Variants in BBS10 observed in about 807,000 individuals in gnomAD.
BBS10 encodes the protein Bardet-Biedl syndrome 10.
A neutral mutation model predicts 12.7 loss-of-function variants in BBS10; 13 were observed. The observed-to-expected ratio is 1.03, with a 90% CI of 0.67 to 1.63. BBS10 has a LOEUF of 1.63. Among genes scored for constraint, BBS10 ranks in the 40% most tolerant of loss-of-function variants. The pLI is 0.00. For missense variants in BBS10, 858 were observed against 858.0 expected (o/e 1.00, Z 0.00); for synonymous variants, 294 against 304.8 (o/e 0.96, Z 0.37).
At position 76,346,511 on chromosome 12, in the gene BBS10, T is replaced by C; in HGVS notation, c.1474A>G (p.Asn492Asp). 2 of 1,614,090 alleles carry C rather than the reference T, an allele frequency of 1.2e-6. No homozygotes were observed. Among genetic ancestry groups the C allele is most frequent in the Non-Finnish European group, 1.7e-6 (2 of 1,179,944 alleles). ...AATTCTACATCTGGAATTACCAAAT[T>C]AGAATGTACTTTTAAATATGTTTGA... is the stretch of plus-strand genomic sequence containing the variant. ...KTQTYLKVHS[N>D]LVIPDVELET... The change falls in exon 2 of 2, where the codon AAT becomes GAT. Residue 492 changes from asparagine (N) to aspartate (D), a missense_variant. Coordinates refer to ENST00000650064, the MANE Select transcript of BBS10 (RefSeq NM_024685.4).
rs773540960 is a variant in BBS10 at position 76,346,015 on chromosome 12, G to T, written c.1970C>A (p.Thr657Lys). The change falls in exon 2 of 2, where the codon ACA becomes AAA. Residue 657 changes from threonine (T) to lysine (K), a missense_variant. Transcript: ENST00000650064. ...SKTGKYSFPH[T>K]YIRAVHALQT... ...CAGTGCATGGACAGCTCTTATATAT[G>T]TATGTGGAAAGCTGTACTTTCCTGT... The T allele has an allele frequency of 1.2e-6, 2 of 1,613,974 alleles. No individual in the cohort carries two copies. The highest frequency in any genetic ancestry group is 1.7e-5 in the Admixed American group (1 of 60,020).
chr12:76,347,216 T>A lies in BBS10; in HGVS notation c.769A>T (p.Met257Leu), dbSNP rs776605691. The A allele has an allele frequency of 1.2e-6, 2 of 1,612,014 alleles. No individual in the cohort carries two copies. Among genetic ancestry groups the A allele is most frequent in the African/African-American group, 1.3e-5 (1 of 74,950 alleles). Residue 257 changes from methionine (M) to leucine (L), a missense_variant, in exon 2 of 2, where the codon ATG becomes TTG. Met to Leu is a conservative substitution (Grantham distance 15, BLOSUM62 2). Transcript: ENST00000650064. The stretch of plus-strand genomic sequence containing the variant: ...TGAATGGTTTCTGTTACTATCACCA[T>A]TCGCATGTCACCATCTGCTGGGCGG... ...VYRPADGDMRMVIVTETIQPL... is the reference protein window; with the variant it reads ...VYRPADGDMRLVIVTETIQPL...
At position 76,345,491 on chromosome 12, in the gene BBS10, A is replaced by G; in HGVS notation, c.*322T>C. ...ACGATGAAGGAGGGCTGGAGTGAAA[A>G]AGATACAGGAGAGTAAAAAGGAGCT... On this transcript the variant is annotated 3_prime_UTR_variant, in exon 2 of 2. Transcript: ENST00000650064. 1 of 260,272 alleles carries G rather than the reference A, an allele frequency of 3.8e-6. No individual in the cohort carries two copies. Among genetic ancestry groups the G allele is most frequent in the East Asian group, 8.3e-5 (1 of 12,042 alleles). The allele number at this position is 260,272 out of a possible 1,614,324, so 16.1% of individuals were successfully genotyped here.
Position 76,346,435 on chromosome 12 carries a change from A to G in BBS10, c.1550T>C (p.Phe517Ser). The G allele has an allele frequency of 6.2e-7, 1 of 1,614,110 alleles. No homozygotes were observed. The highest frequency in any genetic ancestry group is 8.5e-7 in the Non-Finnish European group (1 of 1,179,986). ...ACATGTCAGCGTTTCAACTGTTTGG[A>G]ATGTATCTGTTGGTGTCAGTGTGGG... The part of the protein sequence containing the change: ...STPTLTPTDT[F>S]QTVETLTCLS... The change falls in exon 2 of 2, where the codon TTC (phenylalanine) becomes TCC (serine). Residue 517 changes from phenylalanine (F) to serine (S), a missense_variant. Transcript: ENST00000650064.
rs760904517 is a variant in BBS10, at chr12:76,346,753, T to C, written c.1232A>G (p.Glu411Gly). 8 of 1,614,142 alleles carry C rather than the reference T, an allele frequency of 5.0e-6. No homozygotes were observed. The highest frequency in any genetic ancestry group is 1.1e-5 in the South Asian group (1 of 91,076). Residue 411 changes from glutamate (E) to glycine (G), a missense_variant, in exon 2 of 2, where the codon GAG becomes GGG. By Grantham distance (98) the Glu-to-Gly change is moderately conservative (BLOSUM62 -2). Coordinates refer to ENST00000650064, the MANE Select transcript of BBS10 (RefSeq NM_024685.4). ...TTTAAGTGCTCCATGTAAAGCATCC[T>C]CATGTTGTTCAATGAGACCATGCAC... ...GPVHGLIEQH[E>G]DALHGALKML...
At position 76,346,443 on chromosome 12, in the gene BBS10, T is replaced by G. The variant is rs1951758689; in HGVS notation, c.1542A>C (p.Thr514=). The part of the protein sequence containing the change: ...IPYSTPTLTP[T]DTFQTVETLT... ...GCGTTTCAACTGTTTGGAATGTATC[T>G]GTTGGTGTCAGTGTGGGGGTTGAAT... Residue 514 remains threonine (T), a synonymous_variant, in exon 2 of 2, where the codon ACA becomes ACC. Transcript: ENST00000650064. 1.2e-6 allele frequency: 2 copies of G among 1,614,086 alleles called. No individual in the cohort carries two copies.
rs767215329 is a variant in BBS10, at chr12:76,346,266, C to G, written c.1719G>C (p.Met573Ile). Residue 573 changes from methionine (M) to isoleucine (I), a missense_variant, in exon 2 of 2, where the codon ATG becomes ATC. Coordinates refer to ENST00000650064, the MANE Select transcript of BBS10 (RefSeq NM_024685.4). ...QVTNITRKGS[M>I]LPVSCKLPNM... ...TCGGTAACTTACAGCTCACTGGTAA[C>G]ATGCTTCCCTTTCTAGTAATATTTG... 1.2e-6 allele frequency: 2 copies of G among 1,612,820 alleles called. No individual in the cohort carries two copies. Among genetic ancestry groups the G allele is most frequent in the Non-Finnish European group, 1.7e-6 (2 of 1,179,360 alleles).
Position 76,348,272 on chromosome 12 carries a change from C to T in BBS10, c.87G>A (p.Val29=). The change falls in exon 1 of 2, where the codon GTG becomes GTA. Residue 29 remains valine, a synonymous_variant. Transcript: ENST00000650064. ...EVLEAIVSCC[V]GPEGRQVLCT... Reference sequence around the variant, plus strand: ...ACAAAACTTGCCGTCCCTCGGGCCCCACGCAGCAGCTCACGATGGCTTCCA... The same window carrying T: ...ACAAAACTTGCCGTCCCTCGGGCCCTACGCAGCAGCTCACGATGGCTTCCA... 6.2e-7 allele frequency: 1 copy of T among 1,613,142 alleles called. No individual in the cohort carries two copies. The highest frequency in any genetic ancestry group is 8.5e-7 in the Non-Finnish European group (1 of 1,179,594).
At position 76,346,894 on chromosome 12, in the gene BBS10, T is replaced by G; in HGVS notation, c.1091A>C (p.Asn364Thr). ...PQAFSQCEIPNTALVKFCKPL... is the reference protein window; with the variant it reads ...PQAFSQCEIPTTALVKFCKPL... The stretch of plus-strand genomic sequence containing the variant: ...TTTACAAAATTTCACCAAAGCAGTG[T>G]TAGGTATTTCACACTGCGAAAAGGC... Residue 364 changes from asparagine to threonine, a missense_variant, in exon 2 of 2, where the codon AAC (asparagine) becomes ACC (threonine). Coordinates refer to ENST00000650064, the MANE Select transcript of BBS10 (RefSeq NM_024685.4). The G allele has an allele frequency of 2.5e-6, 4 of 1,613,228 alleles. No homozygotes were observed. Among genetic ancestry groups the G allele is most frequent in the Non-Finnish European group, 3.4e-6 (4 of 1,179,986 alleles).
Position 76,346,218 on chromosome 12 carries a change from G to A in BBS10, c.1767C>T (p.Tyr589=). ...KLPNMGTSQS[Y]LSSSMPAGCV... is the part of the protein sequence containing the mutation. ...AACCAGCTGGCATAGATGAGGAAAG[G>A]TAACTCTGGGAAGTACCCATATTCG... The change falls in exon 2 of 2, where the codon TAC becomes TAT. Residue 589 remains tyrosine (Y), a synonymous_variant. Transcript: ENST00000650064. 2 of 1,611,704 alleles carry A rather than the reference G, an allele frequency of 1.2e-6. No homozygotes were observed. The highest frequency in any genetic ancestry group is 1.7e-6 in the Non-Finnish European group (2 of 1,179,124).
In BBS10 at chr12:76,346,555, T is replaced by G; in HGVS notation, c.1430A>C (p.Lys477Thr). 6.2e-7 allele frequency: 1 copy of G among 1,614,168 alleles called. No individual in the cohort carries two copies. The highest frequency in any genetic ancestry group is 8.5e-7 in the Non-Finnish European group (1 of 1,180,002). ...RPYQDTVAENKDALEKTQTYL... is the reference protein window; with the variant it reads ...RPYQDTVAENTDALEKTQTYL... ...TGTTTGAGTTTTTTCCAATGCATCT[T>G]TGTTCTCTGCAACTGTGTCCTGATA... The change falls in exon 2 of 2, where the codon AAA (lysine) becomes ACA (threonine). Residue 477 changes from lysine to threonine, a missense_variant. Physicochemically the swap from Lys to Thr is moderately conservative, Grantham distance 78. Coordinates refer to ENST00000650064, the MANE Select transcript of BBS10 (RefSeq NM_024685.4).
At position 76,346,537 on chromosome 12, in the gene BBS10, G is replaced by T. The variant is rs1322710550; in HGVS notation, c.1448C>A (p.Thr483Asn). The change falls in exon 2 of 2, where the codon ACT becomes AAT. Residue 483 changes from threonine to asparagine, a missense_variant. Thr to Asn is a moderately conservative substitution (Grantham distance 65). Coordinates refer to ENST00000650064, the MANE Select transcript of BBS10 (RefSeq NM_024685.4). ...AGAATGTACTTTTAAATATGTTTGA[G>T]TTTTTTCCAATGCATCTTTGTTCTC... ...VAENKDALEK[T>N]QTYLKVHSNL... is the part of the protein sequence containing the mutation. The T allele has an allele frequency of 1.2e-6, 2 of 1,614,020 alleles. No homozygotes were observed. Among genetic ancestry groups the T allele is most frequent in the South Asian group, 2.2e-5 (2 of 91,076 alleles).
In BBS10 at chr12:76,346,469, AC is replaced by A; in HGVS notation, c.1515del (p.Tyr506IlefsTer6). ...GTTGGTGTCAGTGTGGGGGTTGAAT[AC>A]GGAATATATGTTTCTAATTCTACAT... The part of the protein sequence containing the change: ...IPDVELETYI[P>X]YSTPTLTPTD... On this transcript the variant is annotated frameshift_variant, in exon 2 of 2. Coordinates refer to ENST00000650064, the MANE Select transcript of BBS10 (RefSeq NM_024685.4). LOFTEE classifies it low-confidence loss of function (END_TRUNC). The A allele has an allele frequency of 1.2e-6, 2 of 1,614,162 alleles. No individual in the cohort carries two copies. Among genetic ancestry groups the A allele is most frequent in the Non-Finnish European group, 1.7e-6 (2 of 1,180,000 alleles).
At position 76,346,339 on chromosome 12, in the gene BBS10, G is replaced by A; in HGVS notation, c.1646C>T (p.Ser549Leu). Residue 549 changes from serine (S) to leucine (L), a missense_variant, in exon 2 of 2, where the codon TCA becomes TTA. Ser to Leu is a moderately radical substitution (Grantham distance 145). Coordinates refer to ENST00000650064, the MANE Select transcript of BBS10 (RefSeq NM_024685.4). ...PLLKNNSTAY[S>L]TRGNRIEISY... The stretch of plus-strand genomic sequence containing the variant: ...AATTTCTATTCTATTTCCCCTTGTT[G>A]AATAAGCAGTGGAATTGTTCTTGAG... The A allele has an allele frequency of 6.2e-7, 1 of 1,613,920 alleles. No homozygotes were observed.
At position 76,347,130 on chromosome 12, in the gene BBS10, T is replaced by A. The variant is rs1951765525; in HGVS notation, c.855A>T (p.Thr285=). The change falls in exon 2 of 2, where the codon ACA becomes ACT. Residue 285 remains threonine (T), a synonymous_variant. Coordinates refer to ENST00000650064, the MANE Select transcript of BBS10 (RefSeq NM_024685.4). ...TCTTTTCCATAATCCAAAATTGAGA[T>A]GTCTGAAACTGTGCTTCTGAATTTA... ...FILNSEAQFQ[T]SQFWIMEKTK... is the part of the protein sequence containing the mutation. 6.2e-7 allele frequency: 1 copy of A among 1,611,834 alleles called. No homozygotes were observed. Among genetic ancestry groups the A allele is most frequent in the Non-Finnish European group, 8.5e-7 (1 of 1,179,850 alleles).
At chr12:76,348,121 T>C in intron 1 of BBS10, 41 bp downstream of exon 1, 1 of 1,576,488 alleles carries the variant, frequency 6.3e-7, no homozygotes, top group Non-Finnish European at 8.6e-7. Flanking sequence ...AGAGGCTGCC[T>C]GGGGTGCCCG....
chr12:76,346,999 G>A lies in BBS10; in HGVS notation c.986C>T (p.Ser329Leu), dbSNP rs1000990130. Residue 329 changes from serine to leucine, a missense_variant, in exon 2 of 2, where the codon TCA (serine) becomes TTA (leucine). Physicochemically the swap from Ser to Leu is moderately radical, Grantham distance 145 (BLOSUM62 -2). Transcript: ENST00000650064. ...VSYYAGVNGI[S>L]VVECLSSEEV... ...TTCTGATGATAAACACTCAACCACT[G>A]ATATGCCATTCACCCCTGCATAATA... The A allele has an allele frequency of 2.5e-6, 4 of 1,611,686 alleles. No individual in the cohort carries two copies. The highest frequency in any genetic ancestry group is 1.3e-5 in the African/African-American group (1 of 74,890).
In BBS10 at chr12:76,347,391, A is replaced by G. The variant is rs1401547185; in HGVS notation, c.594T>C (p.Phe198=). The G allele has an allele frequency of 1.2e-6, 2 of 1,614,120 alleles. No individual in the cohort carries two copies. Among genetic ancestry groups the G allele is most frequent in the South Asian group, 2.2e-5 (2 of 91,078 alleles). ...CACTTTTACAAGTCATACACTTGAA[A>G]AAGTAGTCACACATCAACTGTGAAA... The part of the protein sequence containing the change: ...KFISQLMCDY[F]FKCMTCKSGI... Residue 198 remains phenylalanine (F), a synonymous_variant, in exon 2 of 2, where the codon TTT becomes TTC. Transcript: ENST00000650064.
rs757062257 is a variant in BBS10 at position 76,347,775 on chromosome 12, G to A, written c.210C>T (p.Asp70=). ...TTTTTTTGAGATGACTGGAAACACA[G>A]TCCACTATCATCCTGTACAAAAAAG... The part of the protein sequence containing the change: ...LEHPIARMIV[D]CVSSHLKKTG... The change falls in exon 2 of 2, where the codon GAC becomes GAT. Residue 70 remains aspartate (D), a synonymous_variant. Transcript: ENST00000650064. 1.2e-6 allele frequency: 2 copies of A among 1,601,900 alleles called. No individual in the cohort carries two copies. Among genetic ancestry groups the A allele is most frequent in the Non-Finnish European group, 1.7e-6 (2 of 1,179,822 alleles).
Sources: gnomAD v4.1 joint callset for allele counts on GRCh38, gnomAD v4.1.1 for gene constraint, MANE v1.5 for transcripts, NCBI Gene and HGNC (gene_info 2026-07-23, HGNC 2026-07-21) for gene names.